Variants in SPIN1 observed in about 807,000 individuals in gnomAD.
The protein encoded by SPIN1 is spindlin 1.
SPIN1 carries 3 observed loss-of-function variants against 26.0 expected under a neutral mutation model. The observed-to-expected ratio is 0.12, with a 90% confidence interval of 0.05 to 0.30. The LOEUF (loss-of-function observed/expected upper bound fraction) is 0.30, where lower values mean the gene tolerates loss of function less well. SPIN1 is among the 10% of genes least tolerant of loss of function. The pLI is 1.00. For synonymous variants in SPIN1, 101 were observed against 116.5 expected, an observed-to-expected ratio of 0.87 and a Z score of 0.86; for missense variants, 126 against 333.4, an observed-to-expected ratio of 0.38 and a Z score of 4.84.
At chr9:88,437,752 A>G (rs190353611) in intron 2 of SPIN1, among the ~76,000 whole-genome samples, 4 of 152,332 alleles carry the variant, frequency 2.6e-5, no homozygotes, top group South Asian at 2.1e-4. Flanking sequence ...TTGATTTTCA[A>G]TTGTAGTGAT....
chr9:88,475,187 T>C lies in SPIN1; in HGVS notation c.699T>C (p.Ile233=). 1.9e-6 allele frequency: 3 copies of C among 1,613,860 alleles called. No individual in the cohort carries two copies. The highest frequency in any genetic ancestry group is 2.5e-6 in the Non-Finnish European group (3 of 1,179,974). Reference sequence around the variant, plus strand: ...GCTCGAAAAGGACTGGCATGGTCATTCATCAAGTAGAAGCCAAGCCCTCCG... The same window carrying C: ...GCTCGAAAAGGACTGGCATGGTCATCCATCAAGTAGAAGCCAAGCCCTCCG... ...EDGSKRTGMV[I]HQVEAKPSVY... is the part of the protein sequence containing the mutation. The change falls in exon 6 of 6, where the codon ATT becomes ATC. Residue 233 remains isoleucine, a synonymous_variant. Transcript: ENST00000375859.
At position 88,475,380 on chromosome 9, in the gene SPIN1, T is replaced by C; in HGVS notation, c.*103T>C. 1 of 1,190,570 alleles carries C rather than the reference T, an allele frequency of 8.4e-7. No individual in the cohort carries two copies. The highest frequency in any genetic ancestry group is 1.5e-5 in the South Asian group (1 of 67,282). 73.8% of individuals were successfully genotyped at this position (1,190,570 alleles called of 1,614,324 possible). A position where few individuals can be genotyped will look rare whatever the true frequency, so the allele number is the denominator to read the frequency against. ...AGTTTAATGAAAGCTTAAATGTCCC[T>C]GCGAACCCACAATCTCTGCCAGCAG... is the stretch of plus-strand genomic sequence containing the variant. On this transcript the variant is annotated 3_prime_UTR_variant, in exon 6 of 6. Transcript: ENST00000375859.
At chr9:88,429,355 A>G (rs751537642) in intron 2 of SPIN1, among the ~76,000 whole-genome samples, 5 of 152,110 alleles carry the variant, frequency 3.3e-5, no homozygotes, top group East Asian at 1.9e-4. Context: ...GCTCAGTCCC[A>G]TAAGACCGCT....
chr9:88,418,787 C>G (rs1827617447), intron 1 of SPIN1: 1 of 152,152 alleles, frequency 6.6e-6, no homozygotes, highest in Non-Finnish European at 1.5e-5. Context: ...GGAAGTTTAT[C>G]TCGACAATGC....
intron 1 of SPIN1, among the ~76,000 whole-genome samples, chr9:88,402,857 C>G (rs996018503): frequency 5.3e-5 from 8 of 152,074 alleles, no homozygotes; most frequent in African/African-American, 1.7e-4. Context: ...TGTAGTAGTT[C>G]TATTTTTAGT....
chr9:88,468,868 C>A (rs951149600), intron 5 of SPIN1, among the ~76,000 whole-genome samples: 1 of 152,086 alleles, frequency 6.6e-6, no homozygotes, highest in Non-Finnish European at 1.5e-5. Flanking sequence ...CATATTACTT[C>A]TTGCTTTTAT....
At chr9:88,466,040 A>G (rs1828661222) in intron 4 of SPIN1, among the ~76,000 whole-genome samples, 2 of 152,252 alleles carry the variant, frequency 1.3e-5, no homozygotes, top group Non-Finnish European at 2.9e-5. Context: ...GCATTGATAT[A>G]TAGGTATTTT....
chr9:88,412,187 A>C (rs1362731752), intron 1 of SPIN1, among the ~76,000 whole-genome samples: 2 of 152,068 alleles, frequency 1.3e-5, no homozygotes, highest in Admixed American at 6.6e-5. Flanking sequence ...TCAAAAAAAA[A>C]CAAAAACCTT....
intron 1 of SPIN1, among the ~76,000 whole-genome samples, chr9:88,393,568 G>C (rs548138662): frequency 7.0e-6 from 1 of 143,536 alleles, no homozygotes; most frequent in East Asian, 2.1e-4. Flanking sequence ...CGATTCTCCT[G>C]CCTCAGCCTC....
At chr9:88,451,956 C>G (rs1828361609) in intron 3 of SPIN1, among the ~76,000 whole-genome samples, 1 of 152,068 alleles carries the variant, frequency 6.6e-6, no homozygotes, top group South Asian at 2.1e-4. Flanking sequence ...ATGTAAATTC[C>G]CTCCCCCCTC....
chr9:88,445,362 T>A (rs2118117031), intron 2 of SPIN1, among the ~76,000 whole-genome samples: 1 of 152,138 alleles, frequency 6.6e-6, no homozygotes, highest in Non-Finnish European at 1.5e-5. Context: ...CCATTAGCCA[T>A]TATCAAGCCT....
At chr9:88,432,974 T>C (rs889226543) in intron 2 of SPIN1, among the ~76,000 whole-genome samples, 2 of 150,176 alleles carry the variant, frequency 1.3e-5, no homozygotes, top group African/African-American at 4.9e-5. Flanking sequence ...CCTCAGCCTT[T>C]CAGGTAGCTG....
intron 1 of SPIN1, among the ~76,000 whole-genome samples, chr9:88,395,660 A>T (rs1464461683): frequency 1.3e-5 from 2 of 151,970 alleles, no homozygotes; most frequent in African/African-American, 4.8e-5. Flanking sequence ...GTTGCCCAGG[A>T]TGATCTTGAA....
chr9:88,408,866 A>G (rs1289822599), intron 1 of SPIN1, among the ~76,000 whole-genome samples: 1 of 150,110 alleles, frequency 6.7e-6, no homozygotes, highest in Non-Finnish European at 1.5e-5. Context: ...GGGTTTCACC[A>G]TGTTGGCCAG....
intron 1 of SPIN1, among the ~76,000 whole-genome samples, chr9:88,398,462 C>CTTA (rs1827115137): frequency 6.6e-6 from 1 of 151,992 alleles, no homozygotes; most frequent in Non-Finnish European, 1.5e-5. Context: ...CTCAAGCTAC[C>CTTA]CTGTGCAGTA....
At chr9:88,402,483 T>C (rs561378230) in intron 1 of SPIN1, among the ~76,000 whole-genome samples, 3 of 152,224 alleles carry the variant, frequency 2.0e-5, no homozygotes, top group East Asian at 1.9e-4. Flanking sequence ...ATACCTGTTA[T>C]TGTATTTTCT....
In SPIN1 at chr9:88,445,391, G is replaced by A. The variant is rs11791587; in HGVS notation, c.53-3550G>A. ...CAAGCCTCTGTCCACGTCTCAGTGC[G>A]TATGAACATGCTGGGTGAAGTGGGT... On this transcript the variant is annotated intron_variant, in intron 2 of 5. Coordinates refer to ENST00000375859, the MANE Select transcript of SPIN1 (RefSeq NM_006717.3). Among the ~76,000 whole-genome samples the A allele has an allele frequency of 2.7e-3, 412 of 151,992 alleles. 3 individuals carry two copies. Among genetic ancestry groups the A allele is most frequent in the African/African-American group, 9.3e-3 (384 of 41,438 alleles).
At chr9:88,411,381 C>G in intron 1 of SPIN1, 1 of 1,592,090 alleles carries the variant, frequency 6.3e-7, no homozygotes, top group South Asian at 1.1e-5. Context: ...CTCAGGCTCT[C>G]ATCGGTTGTT....
chr9:88,443,135 CA>C (rs75387195), intron 2 of SPIN1, among the ~76,000 whole-genome samples: 29 of 139,242 alleles, frequency 2.1e-4, no homozygotes, highest in Middle Eastern at 3.7e-3. Context: ...AAAAAAAAAA[CA>C]AAAAAAAACT....
Sources: allele counts gnomAD v4.1 joint callset (sites outside exome capture counted in the v4.1 genomes callset), GRCh38; gene constraint gnomAD v4.1.1; transcripts MANE v1.5; gene names NCBI Gene and HGNC (gene_info 2026-07-23, HGNC 2026-07-21).